The following MYRIP variants were observed in gnomAD, a reference collection of about 807,000 sequenced individuals.
MYRIP encodes the protein rab effector MyRIP.
MYRIP carries 49 observed loss-of-function variants against 98.0 expected under a neutral mutation model. The observed-to-expected ratio is 0.50, with a 90% CI of 0.40 to 0.63. The LOEUF is 0.63. Among genes scored for constraint, MYRIP ranks in the 30% least tolerant of loss-of-function variants. MYRIP has a pLI of 0.00. For missense variants in MYRIP, 1,004 were observed against 1,058.2 expected, an observed-to-expected ratio of 0.95 and a Z score of 0.71; for synonymous variants, 404 against 409.5, an observed-to-expected ratio of 0.99 and a Z score of 0.16.
At chr3:40,002,925 CATAT>C (rs1011766708) in intron 2 of MYRIP, among the ~76,000 whole-genome samples, 1 of 151,638 alleles carries the variant, frequency 6.6e-6, no homozygotes, top group African/African-American at 2.4e-5. Context: ...CATATATAGA[CATAT>C]ATAGATATCT....
intron 2 of MYRIP, among the ~76,000 whole-genome samples, chr3:39,972,285 T>C (rs543756800): frequency 7.9e-5 from 12 of 152,148 alleles, no homozygotes; most frequent in African/African-American, 2.4e-4. Flanking sequence ...TTTGGTAGTT[T>C]AGTTCTTATT....
intron 8 of MYRIP, among the ~76,000 whole-genome samples, chr3:40,172,121 C>T (rs1177424458): frequency 2.6e-5 from 4 of 152,220 alleles, no homozygotes; most frequent in Non-Finnish European, 4.4e-5. Context: ...GGGGACACAG[C>T]CAGACCATAT....
chr3:40,166,750 C>G (rs543254116), intron 5 of MYRIP, 96 bp from the exon 6 acceptor site: 1 of 843,338 alleles, frequency 1.2e-6, no homozygotes, highest in East Asian at 2.5e-5. Context: ...TAGAACTTAT[C>G]CCAGAGCCCC....
chr3:40,022,701 T>A (rs1947024354), intron 2 of MYRIP, among the ~76,000 whole-genome samples: 1 of 152,122 alleles, frequency 6.6e-6, no homozygotes. Context: ...ATTAAGGGTA[T>A]TTTAATGCAG....
chr3:40,172,128 A>G lies in MYRIP; in HGVS notation c.873+2035A>G, dbSNP rs1008126439. Among the ~76,000 whole-genome samples the G allele has an allele frequency of 5.9e-5, 9 of 152,352 alleles. No individual in the cohort carries two copies. The East Asian group carries it at 1.2e-3, about 20-fold the overall frequency. On this transcript the variant is annotated intron_variant, in intron 8 of 16. Transcript: ENST00000302541. ...GTTGGGGTGGGGACACAGCCAGACC[A>G]TATCAGTGCTACAGAGACAGTGGTC...
intron 3 of MYRIP, among the ~76,000 whole-genome samples, chr3:40,048,081 T>C (rs2125835925): frequency 6.6e-6 from 1 of 152,296 alleles, no homozygotes. Flanking sequence ...ACACTACTCT[T>C]TGGAACATTC....
rs1424079510 is a variant in MYRIP at position 40,244,627 on chromosome 3, C to A, written c.2262+20C>A. On this transcript the variant is annotated intron_variant, in intron 13 of 16. Coordinates refer to ENST00000302541, the MANE Select transcript of MYRIP (RefSeq NM_015460.4). ...CTCCAGGTGAGAACTCTCCTCTCTGCCCACATGGGTCCTGCAGGGTGAAAC... is the reference window on the plus strand; with the variant it reads ...CTCCAGGTGAGAACTCTCCTCTCTGACCACATGGGTCCTGCAGGGTGAAAC... 2.5e-6 allele frequency: 4 copies of A among 1,600,472 alleles called. No homozygotes were observed. In the Admixed American group the frequency reaches 5.1e-5, roughly 20 times the overall value.
intron 4 of MYRIP, 75 bp downstream of exon 4, chr3:40,151,259 C>T: frequency 1.4e-6 from 2 of 1,450,338 alleles, no homozygotes; most frequent in South Asian, 1.4e-5. Flanking sequence ...GGGCCCTGAA[C>T]ACTGGAGCAC....
intron 4 of MYRIP, 58 bp from the exon 5 acceptor site, chr3:40,162,672 T>C (rs1575588169): frequency 6.9e-7 from 1 of 1,458,278 alleles, no homozygotes; most frequent in East Asian, 2.3e-5. Context: ...TGCATCAGGG[T>C]TCACTGAAGA....
intron 3 of MYRIP, among the ~76,000 whole-genome samples, chr3:40,099,830 G>C (rs1224971260): frequency 2.0e-5 from 3 of 152,238 alleles, no homozygotes; most frequent in Admixed American, 6.5e-5. Context: ...AACCAAGAAA[G>C]TGGGAAAAAA....
chr3:40,159,466 A>T (rs990024748), intron 4 of MYRIP, among the ~76,000 whole-genome samples: 6 of 151,892 alleles, frequency 4.0e-5, no homozygotes, highest in East Asian at 1.9e-4. Flanking sequence ...TCTGACAATT[A>T]TGTGTCTTGG....
intron 3 of MYRIP, among the ~76,000 whole-genome samples, chr3:40,078,425 A>G (rs1948403375): frequency 6.6e-6 from 1 of 152,228 alleles, no homozygotes. Flanking sequence ...GCCCAGGCAG[A>G]GGAGGCACCT....
At chr3:40,026,735 G>C (rs1020039718) in intron 2 of MYRIP, among the ~76,000 whole-genome samples, 4 of 152,082 alleles carry the variant, frequency 2.6e-5, no homozygotes, top group African/African-American at 7.2e-5. Flanking sequence ...CACTGAAATT[G>C]CCTTTCTCAG....
chr3:40,200,966 T>C (rs890402646), intron 10 of MYRIP, among the ~76,000 whole-genome samples: 4 of 152,234 alleles, frequency 2.6e-5, no homozygotes, highest in African/African-American at 9.6e-5. Flanking sequence ...CCACTGTTAG[T>C]GCTGCTTTAT....
At chr3:40,218,612 T>TATATATATATA (rs1553629190) in intron 11 of MYRIP, among the ~76,000 whole-genome samples, 4 of 13,566 alleles carry the variant, frequency 2.9e-4, no homozygotes, top group African/African-American at 5.0e-4. Context: ...TATATATATT[T>TATATATATATA]TATATATATA....
At chr3:40,113,150 T>C (rs914058358) in intron 3 of MYRIP, among the ~76,000 whole-genome samples, 4 of 152,162 alleles carry the variant, frequency 2.6e-5, no homozygotes, top group Non-Finnish European at 5.9e-5. Context: ...TAAAGGTCTT[T>C]GTTTGTTTTC....
intron 2 of MYRIP, among the ~76,000 whole-genome samples, chr3:40,006,718 A>G (rs1162400375): frequency 2.6e-5 from 4 of 152,216 alleles, no homozygotes; most frequent in African/African-American, 9.6e-5. Flanking sequence ...CTTACTCCAG[A>G]AAATTCTGTA....
intron 1 of MYRIP, among the ~76,000 whole-genome samples, chr3:39,830,063 C>T (rs554344617): frequency 6.6e-6 from 1 of 152,312 alleles, no homozygotes; most frequent in Non-Finnish European, 1.5e-5. Flanking sequence ...CAATTTCTAA[C>T]CCTCTCTCTC....
intron 3 of MYRIP, among the ~76,000 whole-genome samples, chr3:40,120,622 T>C (rs968431773): frequency 6.6e-6 from 1 of 152,194 alleles, no homozygotes; most frequent in Non-Finnish European, 1.5e-5. Context: ...CTGACTGATA[T>C]GGTTGAGGAA....
Sources: allele counts gnomAD v4.1 joint callset (sites outside exome capture counted in the v4.1 genomes callset), GRCh38; gene constraint gnomAD v4.1.1; transcripts MANE v1.5; gene names NCBI Gene and HGNC (gene_info 2026-07-23, HGNC 2026-07-21).